The following EXT1 variants were observed in gnomAD, a reference collection of about 807,000 sequenced individuals.
The protein encoded by EXT1 is exostosin-1.
In EXT1, 20 loss-of-function variants were observed where a neutral mutation model predicts 82.5. The ratio of observed to expected loss-of-function variants is 0.24; its 90% CI spans 0.17 to 0.35. The LOEUF is 0.35. Ranked by LOEUF, EXT1 falls within the 10% of genes least tolerant of loss-of-function variation. The pLI is 1.00. For missense variants in EXT1, 757 were observed against 936.5 expected (o/e 0.81, Z 2.50); for synonymous variants, 348 against 350.8 (o/e 0.99, Z 0.09).
intron 1 of EXT1, among the ~76,000 whole-genome samples, chr8:117,929,874 A>C (rs1300518091): frequency 6.6e-6 from 1 of 152,184 alleles, no homozygotes; most frequent in Non-Finnish European, 1.5e-5. Flanking sequence ...TTGGGAGGCC[A>C]AGGCAGGCGT....
chr8:117,808,820 A>G (rs1384710674), intron 8 of EXT1, among the ~76,000 whole-genome samples: 1 of 152,146 alleles, frequency 6.6e-6, no homozygotes, highest in Non-Finnish European at 1.5e-5. Context: ...TGAGACTAAC[A>G]TTGGAATCCA....
At chr8:117,893,509 T>C (rs1813283757) in intron 1 of EXT1, among the ~76,000 whole-genome samples, 1 of 151,860 alleles carries the variant, frequency 6.6e-6, no homozygotes, top group Non-Finnish European at 1.5e-5. Context: ...TGGGTGAAAA[T>C]GGAATTTGGG....
Position 117,818,473 on chromosome 8 carries a change from T to C in EXT1, c.1594A>G (p.Thr532Ala). 6.2e-7 allele frequency: 1 copy of C among 1,614,076 alleles called. No individual in the cohort carries two copies. Among genetic ancestry groups the C allele is most frequent in the Non-Finnish European group, 8.5e-7 (1 of 1,180,000 alleles). Residue 532 changes from threonine to alanine, a missense_variant, in exon 7 of 11, where the codon ACT (threonine) becomes GCT (alanine). By Grantham distance (58) the Thr-to-Ala change is moderately conservative. Transcript: ENST00000378204. ...TCAATGACGACGACAGGCACAGCAG[T>C]GGCAGGCCAGCGGTGTTTGGCTGGT... ...PLPAKHRWPA[T>A]AVPVVVIEGE... is the part of the protein sequence containing the mutation.
rs1020450827 is a variant in EXT1 at position 117,880,718 on chromosome 8, G to C, written c.963-43517C>G. ...CAATTCTCCTGCCTCAGCCTCCCGAGTAGGTGGGACTACAGGCGCCCGCCA... is the reference window on the plus strand; with the variant it reads ...CAATTCTCCTGCCTCAGCCTCCCGACTAGGTGGGACTACAGGCGCCCGCCA... On this transcript the variant is annotated intron_variant, in intron 1 of 10. Transcript: ENST00000378204. Among the ~76,000 whole-genome samples the C allele has an allele frequency of 2.0e-5, 3 of 151,720 alleles. No individual in the cohort carries two copies. In the South Asian group the frequency reaches 6.2e-4, roughly 32 times the overall value.
At position 117,969,406 on chromosome 8, in the gene EXT1, A is replaced by C. The variant is rs543761029; in HGVS notation, c.963-132205T>G. ...AATGGTTGTTTAGCCCAACAAACTA[A>C]AAATGTCAACCACAGCCTTGAGACC... On this transcript the variant is annotated intron_variant, in intron 1 of 10. Transcript: ENST00000378204. 2.0e-5 allele frequency among the ~76,000 whole-genome samples: 3 copies of C among 152,206 alleles called. No homozygotes were observed. The East Asian group carries it at 5.8e-4, about 29-fold the overall frequency.
intron 1 of EXT1, among the ~76,000 whole-genome samples, chr8:117,923,872 C>T (rs1478353919): frequency 2.0e-5 from 3 of 152,162 alleles, no homozygotes; most frequent in African/African-American, 7.2e-5. Context: ...TGCATCTTGG[C>T]TCAGTGGGAA....
chr8:117,894,931 G>A (rs1030786284), intron 1 of EXT1, among the ~76,000 whole-genome samples: 1 of 152,240 alleles, frequency 6.6e-6, no homozygotes, highest in African/African-American at 2.4e-5. Context: ...GCTAAAAATA[G>A]ATGTGGAAAT....
At chr8:117,993,370 C>T (rs564758232) in intron 1 of EXT1, among the ~76,000 whole-genome samples, 59 of 152,290 alleles carry the variant, frequency 3.9e-4, no homozygotes, top group African/African-American at 1.3e-3. Flanking sequence ...GTCTCTGGCC[C>T]GGCAGGATAC....
intron 1 of EXT1, among the ~76,000 whole-genome samples, chr8:118,086,516 G>A (rs1002581422): frequency 2.0e-5 from 3 of 152,100 alleles, no homozygotes; most frequent in African/African-American, 7.2e-5. Context: ...TGCCAAGTAC[G>A]TTCAAAAATG....
intron 1 of EXT1, among the ~76,000 whole-genome samples, chr8:118,000,103 C>T (rs1363445110): frequency 6.6e-6 from 1 of 152,146 alleles, no homozygotes; most frequent in Non-Finnish European, 1.5e-5. Context: ...GCGAGGTAAA[C>T]TGTTGCTTGC....
intron 1 of EXT1, among the ~76,000 whole-genome samples, chr8:118,071,168 G>A (rs1817083977): frequency 1.3e-5 from 2 of 152,154 alleles, no homozygotes; most frequent in African/African-American, 4.8e-5. Context: ...CTGTAAATTG[G>A]TAGGTAGAGC....
chr8:118,098,758 CAAA>C (rs3050886), intron 1 of EXT1, among the ~76,000 whole-genome samples: 16 of 128,088 alleles, frequency 1.2e-4, no homozygotes, highest in Non-Finnish European at 9.9e-5. Flanking sequence ...GACTCTGTCT[CAAA>C]AAAAAAAAAA....
At chr8:118,002,381 CAAAAAAAAAA>C (rs772109456) in intron 1 of EXT1, among the ~76,000 whole-genome samples, 1 of 61,038 alleles carries the variant, frequency 1.6e-5, no homozygotes, top group East Asian at 4.7e-4. Flanking sequence ...ACTCCGTCTC[CAAAAAAAAAA>C]AAAAAAAAAA....
At chr8:117,963,581 C>G (rs771757706) in intron 1 of EXT1, among the ~76,000 whole-genome samples, 9 of 152,168 alleles carry the variant, frequency 5.9e-5, no homozygotes, top group Non-Finnish European at 1.3e-4. Context: ...ACCTCCACCT[C>G]CCGGGTTCAA....
chr8:118,098,504 C>A (rs1269374200), intron 1 of EXT1, among the ~76,000 whole-genome samples: 1 of 152,046 alleles, frequency 6.6e-6, no homozygotes, highest in Non-Finnish European at 1.5e-5. Flanking sequence ...TACCTGTAAT[C>A]CCAGCACTTT....
intron 1 of EXT1, among the ~76,000 whole-genome samples, chr8:117,931,189 C>T (rs1410225866): frequency 6.6e-6 from 1 of 152,164 alleles, no homozygotes; most frequent in African/African-American, 2.4e-5. Context: ...TATTCCTTTA[C>T]TTTCCTAATA....
chr8:118,049,839 C>CA (rs1816689223), intron 1 of EXT1, among the ~76,000 whole-genome samples: 1 of 151,968 alleles, frequency 6.6e-6, no homozygotes, highest in Non-Finnish European at 1.5e-5. Flanking sequence ...CTGGCGAAGG[C>CA]AGCCCCACGA....
chr8:117,853,003 G>A (rs915755482), intron 1 of EXT1, among the ~76,000 whole-genome samples: 5 of 152,128 alleles, frequency 3.3e-5, no homozygotes, highest in Admixed American at 1.3e-4. Context: ...GGGTGGGGAC[G>A]AAGCTGAAAC....
At chr8:118,031,975 A>C (rs1387373531) in intron 1 of EXT1, among the ~76,000 whole-genome samples, 1 of 151,988 alleles carries the variant, frequency 6.6e-6, no homozygotes, top group Non-Finnish European at 1.5e-5. Context: ...CCAATTGTCA[A>C]GCATTTACCA....
Sources: gnomAD v4.1 joint callset for allele counts (sites outside exome capture counted in the v4.1 genomes callset) on GRCh38, gnomAD v4.1.1 for gene constraint, MANE v1.5 for transcripts, NCBI Gene and HGNC (gene_info 2026-07-23, HGNC 2026-07-21) for gene names.